PARD3B: variants seen among roughly 807,000 people sequenced by gnomAD.
PARD3B encodes partitioning defective 3 homolog B.
In PARD3B, 103 loss-of-function variants were observed where a neutral mutation model predicts 130.2. The ratio of observed to expected loss-of-function variants is 0.79; its 90% CI spans 0.67 to 0.93. The LOEUF is 0.93. PARD3B is among the 40% of genes least tolerant of loss of function. The pLI is 0.00. For synonymous variants in PARD3B, 583 were observed against 553.2 expected (o/e 1.05, Z -0.76); for missense variants, 1,609 against 1,499.2 (o/e 1.07, Z -1.21).
At position 205,175,105 on chromosome 2, in the gene PARD3B, G is replaced by A. The variant is rs533862992; in HGVS notation, c.1792-1340G>A. Reference sequence around the variant, plus strand: ...GGACACTAATGGAGGGCTCTGCGACGGCTCTATTTTACAGGCTGAATACTT... The same window carrying A: ...GGACACTAATGGAGGGCTCTGCGACAGCTCTATTTTACAGGCTGAATACTT... On this transcript the variant is annotated intron_variant, in intron 12 of 22. Coordinates refer to ENST00000406610, the MANE Select transcript of PARD3B (RefSeq NM_001302769.2). 2.8e-4 allele frequency among the ~76,000 whole-genome samples: 43 copies of A among 152,150 alleles called. No individual in the cohort carries two copies. In the South Asian group the frequency reaches 5.8e-3, roughly 21 times the overall value.
At chr2:205,593,885 T>C (rs1372060169) in intron 22 of PARD3B, among the ~76,000 whole-genome samples, 1 of 152,202 alleles carries the variant, frequency 6.6e-6, no homozygotes, top group African/African-American at 2.4e-5. Context: ...AAGAGTAATA[T>C]AAGATCATGG....
intron 1 of PARD3B, among the ~76,000 whole-genome samples, chr2:204,685,360 C>A (rs1344861259): frequency 1.3e-5 from 2 of 152,120 alleles, no homozygotes; most frequent in Admixed American, 6.6e-5. Flanking sequence ...TTCTTCACTT[C>A]ATTCATTGGT....
intron 20 of PARD3B, among the ~76,000 whole-genome samples, chr2:205,457,735 GT>G (rs1417080509): frequency 6.6e-6 from 1 of 151,468 alleles, no homozygotes; most frequent in Non-Finnish European, 1.5e-5. Flanking sequence ...TCATTCCATT[GT>G]TTTCTAACTT....
chr2:205,160,098 A>T lies in PARD3B; in HGVS notation c.1620+1191A>T, dbSNP rs906655633. On this transcript the variant is annotated intron_variant, in intron 11 of 22. Transcript: ENST00000406610. The surrounding 1 kb of genome is among the most constrained non-coding windows in gnomAD (Gnocchi z 4.0). ...CCCTTCCACTTTTGTTTCAGACTAG[A>T]TGTGGAGATAATGCCTTTTTCACTG... Among the ~76,000 whole-genome samples, 2 of 152,200 alleles carry T rather than the reference A, an allele frequency of 1.3e-5. No homozygotes were observed. The highest frequency in any genetic ancestry group is 2.1e-4 in the South Asian group (1 of 4,828).
At position 205,476,771 on chromosome 2, in the gene PARD3B, A is replaced by C. The variant is rs184657044; in HGVS notation, c.3045-23125A>C. Among the ~76,000 whole-genome samples the C allele has an allele frequency of 5.3e-5, 8 of 152,330 alleles. No homozygotes were observed. The East Asian group carries it at 1.5e-3, about 29-fold the overall frequency. ...TTTACACAGCAATCATTTATCACTT[A>C]TAAGTGTTAATCACTTATTAACAGT... is the stretch of plus-strand genomic sequence containing the variant. On this transcript the variant is annotated intron_variant, in intron 20 of 22. Coordinates refer to ENST00000406610, the MANE Select transcript of PARD3B (RefSeq NM_001302769.2).
At chr2:205,593,666 A>G (rs138503593) in intron 22 of PARD3B, among the ~76,000 whole-genome samples, 6 of 152,330 alleles carry the variant, frequency 3.9e-5, no homozygotes, top group African/African-American at 1.4e-4. Context: ...GAGGTAAATT[A>G]GAGTCCCCCT....
intron 9 of PARD3B, among the ~76,000 whole-genome samples, 196 bp downstream of exon 9, chr2:205,124,662 C>G (rs949868471): frequency 2.6e-5 from 4 of 152,016 alleles, no homozygotes; most frequent in African/African-American, 9.7e-5. Flanking sequence ...TTGTAAATCC[C>G]CAATAAGGTC....
rs144505781 is a variant in PARD3B at position 204,729,726 on chromosome 2, C to T, written c.222+43444C>T. ...TCTCATTTTTTAAATCATTAGAATA[C>T]GCTGTTGTATTTTTTATTGTTTTCA... On this transcript the variant is annotated intron_variant, in intron 2 of 22. Transcript: ENST00000406610. 2.5e-3 allele frequency among the ~76,000 whole-genome samples: 374 copies of T among 152,052 alleles called. 1 individual carries two copies. The highest frequency in any genetic ancestry group is 8.5e-3 in the African/African-American group (351 of 41,476).
At chr2:205,262,284 T>G (rs2105767781) in intron 16 of PARD3B, among the ~76,000 whole-genome samples, 1 of 152,284 alleles carries the variant, frequency 6.6e-6, no homozygotes, top group South Asian at 2.1e-4. Flanking sequence ...ACTACCTTGG[T>G]CAACTTTAGT....
At chr2:204,705,307 G>A (rs995987940) in intron 2 of PARD3B, among the ~76,000 whole-genome samples, 4 of 152,176 alleles carry the variant, frequency 2.6e-5, no homozygotes, top group African/African-American at 9.7e-5. Flanking sequence ...GAGACAGTAA[G>A]CAAAGCATCA....
intron 21 of PARD3B, among the ~76,000 whole-genome samples, chr2:205,505,361 G>T (rs1299369948): frequency 1.3e-5 from 2 of 151,498 alleles, no homozygotes; most frequent in Non-Finnish European, 2.9e-5. Context: ...TGCACGCTGT[G>T]CACGTGTACC....
intron 2 of PARD3B, among the ~76,000 whole-genome samples, chr2:204,956,811 C>G (rs1295871622): frequency 6.6e-6 from 1 of 152,094 alleles, no homozygotes; most frequent in Non-Finnish European, 1.5e-5. Flanking sequence ...ATTGACAAGG[C>G]AGGTATATAG....
At position 205,185,846 on chromosome 2, in the gene PARD3B, C is replaced by T. The variant is rs770207848; in HGVS notation, c.2007C>T (p.Leu669=). The T allele has an allele frequency of 1.3e-5, 21 of 1,613,194 alleles. No individual in the cohort carries two copies. The highest frequency in any genetic ancestry group is 1.7e-5 in the Non-Finnish European group (20 of 1,179,312). ...CACATTCTGCTCTGGGATTGGGCCTCGAAGATTACAGCCACAGGTATTGAT... is the reference window on the plus strand; with the variant it reads ...CACATTCTGCTCTGGGATTGGGCCTTGAAGATTACAGCCACAGGTATTGAT... ...PTPHSALGLG[L]EDYSHSSGVD... Residue 669 remains leucine (L), a synonymous_variant, in exon 14 of 23, where the codon CTC becomes CTT. Transcript: ENST00000406610.
At chr2:205,605,775 G>T (rs563552487) in intron 22 of PARD3B, among the ~76,000 whole-genome samples, 2 of 151,890 alleles carry the variant, frequency 1.3e-5, no homozygotes, top group African/African-American at 4.8e-5. Context: ...GCCCCTTGGC[G>T]AAGGGAGTGT....
At chr2:205,185,700 C>T in intron 13 of PARD3B, 64 bp from the exon 14 acceptor site, 1 of 1,418,240 alleles carries the variant, frequency 7.1e-7, no homozygotes, top group Admixed American at 1.7e-5. Flanking sequence ...GATACTGAAA[C>T]CAAACCAGGC....
chr2:204,687,097 A>G (rs1401153156), intron 2 of PARD3B, among the ~76,000 whole-genome samples: 1 of 151,772 alleles, frequency 6.6e-6, no homozygotes, highest in Non-Finnish European at 1.5e-5. Context: ...GTTTCTCTAT[A>G]TTTTTTCCCT....
chr2:204,991,690 C>T (rs1045050649), intron 3 of PARD3B, among the ~76,000 whole-genome samples: 1 of 150,348 alleles, frequency 6.7e-6, no homozygotes, highest in African/African-American at 2.4e-5. Context: ...TACAGTCCCA[C>T]CAACAGTGTA....
intron 2 of PARD3B, among the ~76,000 whole-genome samples, chr2:204,860,633 T>A (rs1485184259): frequency 6.6e-6 from 1 of 152,178 alleles, no homozygotes; most frequent in Non-Finnish European, 1.5e-5. Flanking sequence ...GAAGAGTTGT[T>A]GTTATTAAGT....
intron 1 of PARD3B, among the ~76,000 whole-genome samples, chr2:204,637,693 A>G (rs189592955): frequency 6.8e-4 from 103 of 151,716 alleles, no homozygotes; most frequent in South Asian, 5.0e-3. Flanking sequence ...TATAAAGGCT[A>G]TAATAGTTTA....
Sources: allele counts gnomAD v4.1 joint callset (sites outside exome capture counted in the v4.1 genomes callset), GRCh38; gene constraint gnomAD v4.1.1; non-coding constraint Gnocchi (gnomAD v3.1); transcripts MANE v1.5; gene names NCBI Gene and HGNC (gene_info 2026-07-23, HGNC 2026-07-21).